Variants in GALNT13 observed in about 807,000 individuals in gnomAD.
The protein encoded by GALNT13 is UDP-GalNAc:polypeptide N-acetylgalactosaminyltransferase 13.
GALNT13 carries 28 observed loss-of-function variants against 64.2 expected under a neutral mutation model. The observed-to-expected ratio is 0.44, with a 90% CI of 0.32 to 0.60. GALNT13 has a LOEUF of 0.60. GALNT13 is among the 20% of genes least tolerant of loss of function. The pLI is 0.05. For synonymous variants in GALNT13, 214 were observed against 224.6 expected, an observed-to-expected ratio of 0.95 and a Z score of 0.42; for missense variants, 577 against 669.8, an observed-to-expected ratio of 0.86 and a Z score of 1.53.
chr2:154,318,037 T>A (rs2105152206), intron 9 of GALNT13, among the ~76,000 whole-genome samples: 1 of 152,282 alleles, frequency 6.6e-6, no homozygotes, highest in African/African-American at 2.4e-5. Context: ...GACAAATGCC[T>A]TTCTTTAAAA....
At chr2:153,406,769 A>T in the GALNT13 span, among the ~76,000 whole-genome samples, 2 of 152,166 alleles carry the variant, frequency 1.3e-5, no homozygotes, top group Non-Finnish European at 2.9e-5. Flanking sequence ...TTTTCTCTTT[A>T]AGTAGTTCGT....
chr2:153,523,041 C>CTG, the GALNT13 span, among the ~76,000 whole-genome samples: 10 of 74,774 alleles, frequency 1.3e-4, no homozygotes, highest in African/African-American at 6.1e-4. Context: ...TCTGTGTTTA[C>CTG]TATTTTTTTT....
chr2:154,223,048 C>G (rs1688398727), intron 4 of GALNT13, among the ~76,000 whole-genome samples: 2 of 152,006 alleles, frequency 1.3e-5, no homozygotes, highest in South Asian at 4.1e-4. Context: ...ATTTATTAAA[C>G]CAAAAATTAT....
intron 2 of GALNT13, among the ~76,000 whole-genome samples, chr2:153,906,183 A>G (rs1335875087): frequency 2.7e-5 from 4 of 149,806 alleles, no homozygotes; most frequent in African/African-American, 7.4e-5. Flanking sequence ...TCTTAATCCC[A>G]TGTCTGGTTG....
At chr2:154,328,406 G>A (rs753844929) in intron 9 of GALNT13, among the ~76,000 whole-genome samples, 5 of 151,970 alleles carry the variant, frequency 3.3e-5, no homozygotes, top group Non-Finnish European at 4.4e-5. Context: ...ATGGTGTTAC[G>A]GTATCATAAT....
chr2:153,164,266 A>G, the GALNT13 span, among the ~76,000 whole-genome samples: 1 of 152,170 alleles, frequency 6.6e-6, no homozygotes, highest in South Asian at 2.1e-4. Context: ...CACTACCAAT[A>G]GGGTCTTGTT....
At chr2:154,253,594 A>G (rs1164267453) in intron 7 of GALNT13, among the ~76,000 whole-genome samples, 4 of 152,308 alleles carry the variant, frequency 2.6e-5, no homozygotes, top group East Asian at 1.9e-4. Flanking sequence ...TATCCTGGGC[A>G]GTATAGTGAG....
At chr2:154,329,045 C>T (rs111428288) in intron 9 of GALNT13, among the ~76,000 whole-genome samples, 3 of 152,202 alleles carry the variant, frequency 2.0e-5, no homozygotes, top group African/African-American at 7.2e-5. Context: ...CTTTGTACTA[C>T]TACTTTGTTG....
At chr2:154,446,532 A>C in intron 12 of GALNT13, 1 of 1,512,448 alleles carries the variant, frequency 6.6e-7, no homozygotes, top group Non-Finnish European at 8.9e-7. Flanking sequence ...TTTGTACTTG[A>C]TTTTGTCATT....
chr2:154,364,078 A>G (rs1304869696), intron 9 of GALNT13, among the ~76,000 whole-genome samples: 2 of 152,208 alleles, frequency 1.3e-5, no homozygotes, highest in African/African-American at 4.8e-5. Flanking sequence ...GAAGTATACT[A>G]TATTGACCAG....
intron 10 of GALNT13, among the ~76,000 whole-genome samples, chr2:154,400,930 T>G (rs1197326663): frequency 7.9e-6 from 1 of 126,226 alleles, no homozygotes; most frequent in Non-Finnish European, 1.7e-5. Flanking sequence ...ACAGGCTTTC[T>G]GAAAAAAAAA....
the GALNT13 span, among the ~76,000 whole-genome samples, chr2:153,205,400 G>A: frequency 6.6e-6 from 1 of 151,826 alleles, no homozygotes; most frequent in Non-Finnish European, 1.5e-5. Context: ...TGAGATAGTC[G>A]GTTTTTTAAA....
chr2:154,404,083 A>G (rs1017759873), intron 10 of GALNT13, among the ~76,000 whole-genome samples: 4 of 152,002 alleles, frequency 2.6e-5, no homozygotes, highest in Non-Finnish European at 5.9e-5. Flanking sequence ...ACTCCTGTCT[A>G]TTGCTATTCT....
chr2:153,869,218 T>C (rs1685810584), upstream of GALNT13, among the ~76,000 whole-genome samples: 1 of 152,160 alleles, frequency 6.6e-6, no homozygotes, highest in East Asian at 1.9e-4. Context: ...TTAGGACACT[T>C]AATATTGATA....
chr2:153,780,123 A>G, the GALNT13 span, among the ~76,000 whole-genome samples: 1 of 151,462 alleles, frequency 6.6e-6, no homozygotes, highest in Non-Finnish European at 1.5e-5. Flanking sequence ...CTCTCTCATG[A>G]CAATGATCAA....
At chr2:154,417,631 C>G (rs553866348) in intron 11 of GALNT13, among the ~76,000 whole-genome samples, 1 of 151,392 alleles carries the variant, frequency 6.6e-6, no homozygotes, top group Admixed American at 6.6e-5. Context: ...CTACCTCAGC[C>G]CCCCCGAGTA....
At chr2:153,628,301 T>G in the GALNT13 span, among the ~76,000 whole-genome samples, 1 of 151,870 alleles carries the variant, frequency 6.6e-6, no homozygotes, top group Non-Finnish European at 1.5e-5. Flanking sequence ...ACAGGGACAA[T>G]TTGACTTCCT....
the GALNT13 span, among the ~76,000 whole-genome samples, chr2:153,633,711 C>T: frequency 1.3e-5 from 2 of 152,098 alleles, no homozygotes; most frequent in Non-Finnish European, 2.9e-5. Flanking sequence ...CAAGGATAGT[C>T]TTCTTAGCGT....
intron 8 of GALNT13, among the ~76,000 whole-genome samples, chr2:154,285,106 T>C (rs1329460602): frequency 6.6e-6 from 1 of 152,166 alleles, no homozygotes; most frequent in Non-Finnish European, 1.5e-5. Flanking sequence ...TTTGAATTCC[T>C]TGTTTTTGAT....
Sources: gnomAD v4.1 joint callset for allele counts (sites outside exome capture counted in the v4.1 genomes callset) on GRCh38, gnomAD v4.1.1 for gene constraint, MANE v1.5 for transcripts, NCBI Gene and HGNC (gene_info 2026-07-23, HGNC 2026-07-21) for gene names.